ACOXL: variants seen among roughly 807,000 people sequenced by gnomAD.
ACOXL encodes acyl-coenzyme A oxidase-like protein.
ACOXL carries 70 observed loss-of-function variants against 71.9 expected under a neutral mutation model. The observed-to-expected ratio is 0.97, with a 90% CI of 0.80 to 1.19. The LOEUF (loss-of-function observed/expected upper bound fraction) is 1.19. ACOXL is among the 50% of genes most tolerant of loss of function. The pLI, the probability that ACOXL is intolerant of heterozygous loss-of-function variation, is 0.00. For missense variants in ACOXL, 703 were observed against 736.3 expected (o/e 0.95, Z 0.52); for synonymous variants, 253 against 281.6 (o/e 0.90, Z 1.02).
rs758721957 is a variant in ACOXL at position 110,810,013 on chromosome 2, C to T, written c.753+4618C>T. ...CCAGGGTGTCTGGCTCCTGGTCATC[C>T]GGCTCTCCACCACTCAGCCTGTCTG... On this transcript the variant is annotated intron_variant, in intron 9 of 17. Coordinates refer to ENST00000439055, the MANE Select transcript of ACOXL (RefSeq NM_001142807.4). Among the ~76,000 whole-genome samples, 9 of 152,272 alleles carry T rather than the reference C, an allele frequency of 5.9e-5. No individual in the cohort carries two copies. In the South Asian group the frequency reaches 6.2e-4, roughly 11 times the overall value.
chr2:110,872,465 G>A (rs564404836), intron 10 of ACOXL, among the ~76,000 whole-genome samples: 1 of 152,318 alleles, frequency 6.6e-6, no homozygotes, highest in African/African-American at 2.4e-5. Context: ...CCTCCTTATG[G>A]GCCAGGTGTC....
intron 14 of ACOXL, among the ~76,000 whole-genome samples, chr2:111,011,966 A>G (rs1189573989): frequency 1.3e-5 from 2 of 151,824 alleles, no homozygotes; most frequent in East Asian, 1.9e-4. Flanking sequence ...AATTTCATCA[A>G]GAAGACAAAA....
chr2:110,864,535 T>G (rs1161967630), intron 10 of ACOXL, among the ~76,000 whole-genome samples: 7 of 152,236 alleles, frequency 4.6e-5, no homozygotes, highest in African/African-American at 1.4e-4. Context: ...TATTCAGAAG[T>G]GCCTCTTGGC....
chr2:111,073,334 C>T (rs966001071), intron 16 of ACOXL, among the ~76,000 whole-genome samples: 1 of 151,916 alleles, frequency 6.6e-6, no homozygotes, highest in Non-Finnish European at 1.5e-5. Context: ...CTTCGTTAAA[C>T]CTCAAGTCAT....
intron 9 of ACOXL, among the ~76,000 whole-genome samples, chr2:110,810,793 A>G (rs954423664): frequency 6.6e-6 from 1 of 152,228 alleles, no homozygotes; most frequent in Non-Finnish European, 1.5e-5. Context: ...CTGCTAATAA[A>G]GACATACCTG....
At chr2:111,031,227 G>A (rs888175995) in intron 14 of ACOXL, among the ~76,000 whole-genome samples, 17 of 152,182 alleles carry the variant, frequency 1.1e-4, no homozygotes, top group Non-Finnish European at 2.2e-4. Context: ...GCTCCTGACT[G>A]CAAGGGAAGG....
At chr2:110,963,542 A>C in intron 12 of ACOXL, 1 of 1,544,062 alleles carries the variant, frequency 6.5e-7, no homozygotes, top group South Asian at 1.2e-5. Flanking sequence ...AGTCCTATGT[A>C]GTGATGGGAT....
intron 16 of ACOXL, 85 bp from the exon 17 acceptor site, chr2:111,092,775 ATTATG>A (rs2068599302): frequency 1.3e-5 from 12 of 891,814 alleles, no homozygotes; most frequent in Non-Finnish European, 2.2e-5. Context: ...GAAATGTAAT[ATTATG>A]TTATTTCTCT....
chr2:110,800,871 G>C (rs916690222), intron 7 of ACOXL, among the ~76,000 whole-genome samples: 2 of 152,198 alleles, frequency 1.3e-5, no homozygotes, highest in African/African-American at 4.8e-5. Flanking sequence ...CAGAGGGGTA[G>C]ACTGAGCTCT....
At chr2:111,046,787 G>A (rs1290885904) in intron 15 of ACOXL, among the ~76,000 whole-genome samples, 3 of 152,172 alleles carry the variant, frequency 2.0e-5, no homozygotes, top group Non-Finnish European at 4.4e-5. Flanking sequence ...GCCAACCTGA[G>A]GAGACAGGGA....
At chr2:110,781,503 A>G (rs187981750) in intron 2 of ACOXL, among the ~76,000 whole-genome samples, 1 of 152,008 alleles carries the variant, frequency 6.6e-6, no homozygotes, top group African/African-American at 2.4e-5. Flanking sequence ...TTAGCCAGGC[A>G]TGGTGGCGCG....
In ACOXL at chr2:111,092,982, T is replaced by C. The variant is rs142413839; in HGVS notation, c.1542+16T>C. On this transcript the variant is annotated intron_variant, in intron 17 of 17. Transcript: ENST00000439055. The stretch of plus-strand genomic sequence containing the variant: ...CAGGAATCAGGTAAGGTCCCTGGGG[T>C]ACAGAAAAACACTTTGTACATCAGC... The C allele has an allele frequency of 6.2e-7, 1 of 1,604,652 alleles. No individual in the cohort carries two copies. The highest frequency in any genetic ancestry group is 1.3e-5 in the African/African-American group (1 of 74,782).
intron 1 of ACOXL, among the ~76,000 whole-genome samples, chr2:110,748,091 C>T (rs189795890): frequency 4.6e-5 from 7 of 152,152 alleles, no homozygotes; most frequent in Middle Eastern, 3.4e-3. Context: ...GCCCTGGCCA[C>T]GTGGGGCTTA....
intron 17 of ACOXL, among the ~76,000 whole-genome samples, chr2:111,117,014 A>T (rs1306183339): frequency 6.6e-6 from 1 of 152,234 alleles, no homozygotes; most frequent in Non-Finnish European, 1.5e-5. Flanking sequence ...GATTTTCCGC[A>T]GCGGCCAGGC....
intron 10 of ACOXL, among the ~76,000 whole-genome samples, chr2:110,884,380 T>G (rs111782808): frequency 6.6e-6 from 1 of 152,222 alleles, no homozygotes; most frequent in African/African-American, 2.4e-5. Context: ...AATCTCCTGT[T>G]TTCAGAAAGA....
chr2:110,903,825 A>G (rs116007479), intron 10 of ACOXL, among the ~76,000 whole-genome samples: 1,549 of 152,330 alleles, frequency 0.01, 27 homozygotes, highest in African/African-American at 0.035. Flanking sequence ...GGTGAGGCCA[A>G]TGGGGCCTGA....
chr2:111,000,355 A>G (rs889243042), intron 14 of ACOXL, among the ~76,000 whole-genome samples: 7 of 152,150 alleles, frequency 4.6e-5, no homozygotes, highest in Non-Finnish European at 1.0e-4. Flanking sequence ...CTGCCTTCTT[A>G]TTGTGGCTTT....
chr2:110,807,448 C>T (rs1344858844), intron 9 of ACOXL, among the ~76,000 whole-genome samples: 2 of 152,216 alleles, frequency 1.3e-5, no homozygotes, highest in Admixed American at 1.3e-4. Context: ...AAGACATGGG[C>T]ATTCCCATGA....
At position 111,092,938 on chromosome 2, in the gene ACOXL, C is replaced by T. The variant is rs17041850; in HGVS notation, c.1514C>T (p.Pro505Leu). The T allele has an allele frequency of 0.053, 86,126 of 1,613,596 alleles. 3,421 individuals are homozygous for T. Among genetic ancestry groups the T allele is most frequent in the East Asian group, 0.26 (11,441 of 44,836 alleles). The part of the protein sequence containing the change: ...AWYLEHKYLT[P>L]MASTRIRNQL... ...TATTTAGAACATAAATACTTGACTC[C>T]CATGGCCAGCACGAGGATCAGGAAT... Residue 505 changes from proline to leucine, a missense_variant, in exon 17 of 18, where the codon CCC (proline) becomes CTC (leucine). Pro to Leu is a moderately conservative substitution (Grantham distance 98, BLOSUM62 -3). Coordinates refer to ENST00000439055, the MANE Select transcript of ACOXL (RefSeq NM_001142807.4).
Sources: allele counts gnomAD v4.1 joint callset (sites outside exome capture counted in the v4.1 genomes callset), GRCh38; gene constraint gnomAD v4.1.1; transcripts MANE v1.5; gene names NCBI Gene and HGNC (gene_info 2026-07-23, HGNC 2026-07-21).